The following PRSS55 variants were observed in gnomAD, a reference collection of about 807,000 sequenced individuals.
PRSS55 encodes the protein serine protease 55.
In PRSS55, 41 loss-of-function variants were observed where a neutral mutation model predicts 23.6. The observed-to-expected ratio is 1.74, with a 90% confidence interval of 1.35 to 2.26. PRSS55 has a LOEUF of 2.26. Ranked by LOEUF, PRSS55 falls within the 30% of genes most tolerant of loss-of-function variation. The pLI is 0.00. For missense variants in PRSS55, 669 were observed against 439.1 expected (o/e 1.52, Z -4.68); for synonymous variants, 262 against 175.5 (o/e 1.49, Z -3.90).
At chr8:10,535,295 T>A (rs1322084268) in intron 4 of PRSS55, among the ~76,000 whole-genome samples, 1 of 152,190 alleles carries the variant, frequency 6.6e-6, no homozygotes, top group Non-Finnish European at 1.5e-5. Flanking sequence ...GCTGGAGGCA[T>A]CATGCTATCC....
At chr8:10,550,564 G>A (rs770814273) in intron 4 of PRSS55, among the ~76,000 whole-genome samples, 56 of 152,160 alleles carry the variant, frequency 3.7e-4, no homozygotes, top group Admixed American at 3.0e-3. Context: ...TGAGTTGACT[G>A]GAGAAAATTG....
chr8:10,525,991 C>G (rs181160459), intron 1 of PRSS55, among the ~76,000 whole-genome samples: 216 of 152,354 alleles, frequency 1.4e-3, no homozygotes, highest in African/African-American at 4.4e-3. Flanking sequence ...TTGCCTAGAA[C>G]TAGCTGAGAC....
intron 4 of PRSS55, chr8:10,553,925 T>G (rs1219435389): frequency 2.7e-6 from 4 of 1,478,946 alleles, no homozygotes. Context: ...ATTTGTCAAT[T>G]TAATTTTTTT....
intron 4 of PRSS55, among the ~76,000 whole-genome samples, chr8:10,549,632 C>T (rs1563551159): frequency 6.6e-6 from 1 of 152,188 alleles, no homozygotes; most frequent in East Asian, 1.9e-4. Context: ...AGCCCACCTG[C>T]TGTTCAGTGG....
intron 4 of PRSS55, among the ~76,000 whole-genome samples, chr8:10,535,073 T>A (rs1003976441): frequency 6.6e-6 from 1 of 151,964 alleles, no homozygotes; most frequent in Non-Finnish European, 1.5e-5. Context: ...TGAGACAAGA[T>A]AAACAAATGA....
In PRSS55 at chr8:10,531,417, T is replaced by C. The variant is rs771759293; in HGVS notation, c.470T>C (p.Ile157Thr). The C allele has an allele frequency of 1.9e-6, 3 of 1,614,120 alleles. No individual in the cohort carries two copies. The highest frequency in any genetic ancestry group is 3.3e-5 in the Admixed American group (2 of 60,000). ...DFKRANMDND[I>T]ALLLLASPIK... Reference sequence around the variant, plus strand: ...AAGAGAGCCAACATGGACAATGACATTGCCTTGCTGCTGCTGGCTTCGCCC... The same window carrying C: ...AAGAGAGCCAACATGGACAATGACACTGCCTTGCTGCTGCTGGCTTCGCCC... The change falls in exon 3 of 5, where the codon ATT becomes ACT. Residue 157 changes from isoleucine (I) to threonine (T), a missense_variant. By Grantham distance (89) the Ile-to-Thr change is moderately conservative. Transcript: ENST00000328655.
At chr8:10,553,892 A>G (rs1278603163) in intron 4 of PRSS55, 20 of 1,275,856 alleles carry the variant, frequency 1.6e-5, no homozygotes, top group Non-Finnish European at 2.1e-5. Context: ...CACATTGTAC[A>G]ATAAATACAT....
intron 1 of PRSS55, among the ~76,000 whole-genome samples, chr8:10,527,327 CAT>C (rs778692428): frequency 6.6e-6 from 1 of 152,236 alleles, no homozygotes; most frequent in Non-Finnish European, 1.5e-5. Flanking sequence ...CAGATGCACA[CAT>C]GTGCTGCCTT....
downstream of PRSS55, among the ~76,000 whole-genome samples, chr8:10,539,314 T>C (rs1233437891): frequency 6.6e-6 from 1 of 152,212 alleles, no homozygotes; most frequent in African/African-American, 2.4e-5. Flanking sequence ...AAGTTATCAA[T>C]TTAAATGTCA....
At chr8:10,536,686 A>AC (rs201269390) in intron 4 of PRSS55, among the ~76,000 whole-genome samples, 29,042 of 151,340 alleles carry the variant, frequency 0.19, 2,998 homozygotes, top group East Asian at 0.33. Context: ...ACGAAGCCAT[A>AC]AAAAAAAACA....
rs910354297 is a variant in PRSS55 at position 10,550,647 on chromosome 8, C to A, written c.742-3296C>A. Among the ~76,000 whole-genome samples, 9 of 152,184 alleles carry A rather than the reference C, an allele frequency of 5.9e-5. No individual in the cohort carries two copies. In the East Asian group the frequency reaches 1.7e-3, roughly 29 times the overall value. On this transcript the variant is annotated intron_variant, in intron 4 of 4. Coordinates refer to the PRSS55 transcript ENST00000522210. ...CTGAAGTTTCCCAACCAGCCTTCCT[C>A]TCTCCTGCCTGCCTGCCCCGAGACA...
Position 10,538,640 on chromosome 8 carries a change from G to C in PRSS55, c.906G>C (p.Glu302Asp). ...NLWIEKVTQL[E>D]GRPFNAEKRR... Reference sequence around the variant, plus strand: ...GGATCGAGAAAGTGACCCAGCTAGAGGGCAGGCCCTTCAATGCAGAGAAAA... The same window carrying C: ...GGATCGAGAAAGTGACCCAGCTAGACGGCAGGCCCTTCAATGCAGAGAAAA... The change falls in exon 5 of 5, where the codon GAG becomes GAC. Residue 302 changes from glutamate to aspartate, a missense_variant. Glu to Asp is a conservative substitution (Grantham distance 45). Coordinates refer to ENST00000328655, the MANE Select transcript of PRSS55 (RefSeq NM_198464.4). 1.2e-6 allele frequency: 2 copies of C among 1,614,158 alleles called. No individual in the cohort carries two copies. Among genetic ancestry groups the C allele is most frequent in the Non-Finnish European group, 1.7e-6 (2 of 1,180,020 alleles).
downstream of PRSS55, among the ~76,000 whole-genome samples, chr8:10,539,975 A>G (rs1456342939): frequency 6.6e-6 from 1 of 152,026 alleles, no homozygotes; most frequent in African/African-American, 2.4e-5. Flanking sequence ...AGCTGTCACC[A>G]GTTCTCCCTT....
rs571129421 is a variant in PRSS55, at chr8:10,531,529, G to C, written c.582G>C (p.Trp194Cys). The C allele has an allele frequency of 2.5e-6, 4 of 1,613,686 alleles. No individual in the cohort carries two copies. The highest frequency in any genetic ancestry group is 3.3e-5 in the Admixed American group (2 of 60,026). Residue 194 changes from tryptophan (W) to cysteine (C), a missense_variant, in exon 3 of 5, where the codon TGG becomes TGC. By Grantham distance (215) the Trp-to-Cys change is radical. Transcript: ENST00000328655. ...ATWRECWVAG[W>C]GQTNAADKNS... is the part of the protein sequence containing the mutation. ...GGCGCGAATGCTGGGTGGCAGGTTG[G>C]GGCCAGACCAATGCTGGTATGTGAC...
chr8:10,552,172 G>T lies in PRSS55; in HGVS notation c.742-1771G>T, dbSNP rs578046680. ...TCCTCATCTTTCTCTTAGAACAAAC[G>T]CTGGGATCCATTTGACTGAAAGCAG... On this transcript the variant is annotated intron_variant, in intron 4 of 4. Coordinates refer to the PRSS55 transcript ENST00000522210. Among the ~76,000 whole-genome samples, 4 of 152,310 alleles carry T rather than the reference G, an allele frequency of 2.6e-5. No individual in the cohort carries two copies. The South Asian group carries it at 6.2e-4, about 24-fold the overall frequency.
At chr8:10,543,415 T>TTCTTCCTTC (rs1491297830), downstream of PRSS55, among the ~76,000 whole-genome samples, 1 of 37,868 alleles carries the variant, frequency 2.6e-5, no homozygotes, top group Non-Finnish European at 6.9e-5. Flanking sequence ...CTTTCTTTCT[T>TTCTTCCTTC]CTTTCTTTCT....
chr8:10,543,108 A>G (rs2117066642), downstream of PRSS55, among the ~76,000 whole-genome samples: 1 of 152,204 alleles, frequency 6.6e-6, no homozygotes, highest in East Asian at 1.9e-4. Flanking sequence ...GGCCTGACCA[A>G]TGTGAGGCCC....
At chr8:10,532,392 C>G (rs1812300322) in intron 3 of PRSS55, among the ~76,000 whole-genome samples, 1 of 152,062 alleles carries the variant, frequency 6.6e-6, no homozygotes, top group African/African-American at 2.4e-5. Flanking sequence ...AGGTGAATTC[C>G]CGGCATCTGG....
intron 4 of PRSS55, among the ~76,000 whole-genome samples, chr8:10,537,914 G>C (rs1017897677): frequency 2.0e-5 from 3 of 152,130 alleles, no homozygotes; most frequent in African/African-American, 7.2e-5. Flanking sequence ...GCAGGGACTT[G>C]GTTCAGAAGC....
Sources: allele counts gnomAD v4.1 joint callset (sites outside exome capture counted in the v4.1 genomes callset), GRCh38; gene constraint gnomAD v4.1.1; transcripts MANE v1.5; gene names NCBI Gene and HGNC (gene_info 2026-07-23, HGNC 2026-07-21).